The following CCBE1 variants were observed in gnomAD, a reference collection of about 807,000 sequenced individuals.
The protein encoded by CCBE1 is collagen and calcium-binding EGF domain-containing protein 1.
Under a neutral mutation model 50.0 loss-of-function variants are expected in CCBE1, and 37 were observed. The ratio of observed to expected loss-of-function variants is 0.74; its 90% CI spans 0.57 to 0.97. The LOEUF is 0.97. CCBE1 is among the 50% of genes least tolerant of loss of function. The probability of loss-of-function intolerance (pLI) is 0.00; values close to 1 mark genes in which losing one functional copy is unlikely to be tolerated. For synonymous variants in CCBE1, 234 were observed against 203.7 expected (o/e 1.15, Z -1.27); for missense variants, 538 against 523.8 (o/e 1.03, Z -0.26).
At chr18:59,451,598 TGGTGGA>T (rs1320651753) in intron 6 of CCBE1, among the ~76,000 whole-genome samples, 2 of 152,098 alleles carry the variant, frequency 1.3e-5, no homozygotes, top group Non-Finnish European at 2.9e-5. Context: ...ACAGAAGAAG[TGGTGGA>T]GGTGGAGGCA....
At chr18:59,535,256 G>A (rs1915203831) in intron 2 of CCBE1, among the ~76,000 whole-genome samples, 1 of 152,196 alleles carries the variant, frequency 6.6e-6, no homozygotes, top group South Asian at 2.1e-4. Flanking sequence ...TTGACAAGAA[G>A]ATGGTATTCA....
At chr18:59,634,217 G>A (rs1024049155) in intron 2 of CCBE1, among the ~76,000 whole-genome samples, 2 of 152,146 alleles carry the variant, frequency 1.3e-5, no homozygotes, top group African/African-American at 2.4e-5. Flanking sequence ...TTAAAAAACC[G>A]CAAACACAAA....
intron 2 of CCBE1, among the ~76,000 whole-genome samples, chr18:59,633,730 TG>T (rs1270894137): frequency 1.6e-4 from 24 of 149,430 alleles, no homozygotes; most frequent in East Asian, 7.7e-4. Flanking sequence ...ATTTAGGGTT[TG>T]TTTTTTTTTT....
intron 6 of CCBE1, among the ~76,000 whole-genome samples, chr18:59,452,140 T>C (rs1362569475): frequency 6.6e-6 from 1 of 152,166 alleles, no homozygotes; most frequent in Non-Finnish European, 1.5e-5. Context: ...GACTGGATGT[T>C]TGTGGTGTGG....
intron 2 of CCBE1, among the ~76,000 whole-genome samples, chr18:59,598,197 G>C (rs917955486): frequency 6.6e-6 from 1 of 152,164 alleles, no homozygotes; most frequent in Non-Finnish European, 1.5e-5. Context: ...GAGTATCAAG[G>C]GAGTTTCAAA....
chr18:59,600,763 C>T (rs921656457), intron 2 of CCBE1, among the ~76,000 whole-genome samples: 1 of 152,180 alleles, frequency 6.6e-6, no homozygotes, highest in African/African-American at 2.4e-5. Flanking sequence ...CTCAGCCACT[C>T]CCTCTCTTTC....
chr18:59,578,738 A>G (rs2053039319), intron 2 of CCBE1, among the ~76,000 whole-genome samples: 1 of 152,242 alleles, frequency 6.6e-6, no homozygotes, highest in African/African-American at 2.4e-5. Flanking sequence ...TATAAGTGGG[A>G]GTTGAACAAT....
intron 2 of CCBE1, among the ~76,000 whole-genome samples, chr18:59,692,338 T>C (rs961761892): frequency 3.3e-5 from 5 of 152,228 alleles, no homozygotes; most frequent in South Asian, 2.1e-4. Flanking sequence ...TAAGTACCAA[T>C]TGGATGCTCA....
At position 59,487,181 on chromosome 18, in the gene CCBE1, G is replaced by A. The variant is rs536305129; in HGVS notation, c.213-6943C>T. On this transcript the variant is annotated intron_variant, in intron 2 of 10. Transcript: ENST00000439986. ...TACTCAGGCCTAAATGGAGACTTCC[G>A]AGACATAAAAACTGGAGAACCCAAT... Among the ~76,000 whole-genome samples, 557 of 149,746 alleles carry A rather than the reference G, an allele frequency of 3.7e-3. 3 individuals carry two copies. Among genetic ancestry groups the A allele is most frequent in the African/African-American group, 0.013 (531 of 40,504 alleles).
At chr18:59,583,586 A>C (rs535892954) in intron 2 of CCBE1, among the ~76,000 whole-genome samples, 62 of 152,210 alleles carry the variant, frequency 4.1e-4, no homozygotes, top group Non-Finnish European at 7.5e-4. Flanking sequence ...ATTGAGATTT[A>C]TTATGAGGAG....
intron 2 of CCBE1, among the ~76,000 whole-genome samples, chr18:59,612,386 A>T (rs1452149432): frequency 6.6e-6 from 1 of 151,724 alleles, no homozygotes; most frequent in Non-Finnish European, 1.5e-5. Context: ...GGCAGCTTAG[A>T]ACAATGCTCA....
At chr18:59,495,530 T>G (rs1053846885) in intron 2 of CCBE1, among the ~76,000 whole-genome samples, 1 of 152,140 alleles carries the variant, frequency 6.6e-6, no homozygotes, top group Non-Finnish European at 1.5e-5. Context: ...ACTCTCTGGC[T>G]TCTTTACTGT....
At chr18:59,504,384 CTT>C (rs10551471) in intron 2 of CCBE1, among the ~76,000 whole-genome samples, 41,815 of 143,006 alleles carry the variant, frequency 0.29, 6,043 homozygotes, top group Middle Eastern at 0.36. Flanking sequence ...GAATGTCTTC[CTT>C]TTTTTTTTTT....
intron 5 of CCBE1, among the ~76,000 whole-genome samples, chr18:59,457,919 G>C (rs762989679): frequency 3.9e-5 from 6 of 152,190 alleles, no homozygotes; most frequent in Non-Finnish European, 8.8e-5. Context: ...TAGTTGTAAA[G>C]GGCTGACGCC....
chr18:59,512,246 T>C (rs910536552), intron 2 of CCBE1, among the ~76,000 whole-genome samples: 2 of 152,138 alleles, frequency 1.3e-5, no homozygotes, highest in Non-Finnish European at 2.9e-5. Flanking sequence ...CAGGGTCTAA[T>C]TGACCTGGTT....
chr18:59,439,880 A>C lies in CCBE1; in HGVS notation c.776-64T>G, dbSNP rs748373378. 451 of 1,577,916 alleles carry C rather than the reference A, an allele frequency of 2.9e-4. 1 individual carries two copies. Among genetic ancestry groups the C allele is most frequent in the Non-Finnish European group, 3.7e-4 (424 of 1,154,106 alleles). On this transcript the variant is annotated intron_variant, in intron 7 of 10. Coordinates refer to ENST00000439986, the MANE Select transcript of CCBE1 (RefSeq NM_133459.4). ...AGAAGGACAAAGGGCCCTGGCTAAC[A>C]AGAGTCCAGGACCCCTGCAGCCATT...
At chr18:59,457,264 G>A (rs1335487905) in intron 5 of CCBE1, among the ~76,000 whole-genome samples, 1 of 152,204 alleles carries the variant, frequency 6.6e-6, no homozygotes, top group Non-Finnish European at 1.5e-5. Flanking sequence ...ACTCACTGCA[G>A]CTGTGTGATA....
chr18:59,469,401 T>G, intron 4 of CCBE1, 72 bp downstream of exon 4: 2 of 1,601,098 alleles, frequency 1.2e-6, no homozygotes, highest in Non-Finnish European at 1.7e-6. Flanking sequence ...AACTGAAGGG[T>G]CCAACCAAGG....
intron 3 of CCBE1, among the ~76,000 whole-genome samples, chr18:59,472,884 T>C (rs1020729267): frequency 6.6e-6 from 1 of 152,226 alleles, no homozygotes. Flanking sequence ...AGTCATGTCT[T>C]ACATGGTGGC....
Sources: gnomAD v4.1 joint callset for allele counts (sites outside exome capture counted in the v4.1 genomes callset) on GRCh38, gnomAD v4.1.1 for gene constraint, MANE v1.5 for transcripts, NCBI Gene and HGNC (gene_info 2026-07-23, HGNC 2026-07-21) for gene names.